UNC79: variants seen among roughly 807,000 people sequenced by gnomAD.
UNC79 encodes the protein protein unc-79 homolog.
In UNC79, 37 loss-of-function variants were observed where a neutral mutation model predicts 283.1. The observed-to-expected ratio is 0.13, with a 90% CI of 0.10 to 0.17. The LOEUF (loss-of-function observed/expected upper bound fraction) is 0.17, where lower values mean the gene tolerates loss of function less well. Ranked by LOEUF, UNC79 falls within the 10% of genes least tolerant of loss-of-function variation. The pLI is 1.00. For synonymous variants in UNC79, 1,107 were observed against 1,200.2 expected, an observed-to-expected ratio of 0.92 and a Z score of 1.61; for missense variants, 2,272 against 3,211.1, an observed-to-expected ratio of 0.71 and a Z score of 7.07.
intron 4 of UNC79, among the ~76,000 whole-genome samples, chr14:93,479,493 T>C (rs370143503): frequency 6.6e-6 from 1 of 152,166 alleles, no homozygotes; most frequent in African/African-American, 2.4e-5. Flanking sequence ...AGATGGGGTT[T>C]TGCCATGTTG....
chr14:93,624,066 G>A (rs753775125), intron 30 of UNC79, among the ~76,000 whole-genome samples: 104 of 152,226 alleles, frequency 6.8e-4, no homozygotes, highest in Non-Finnish European at 1.2e-3. Context: ...TTAGAGGAGG[G>A]GATGCACCAG....
chr14:93,625,327 T>C (rs1212113549), intron 30 of UNC79, among the ~76,000 whole-genome samples: 8 of 152,212 alleles, frequency 5.3e-5, no homozygotes, highest in Non-Finnish European at 1.5e-5. Context: ...ACCCACTACT[T>C]GCATTGCTGC....
At chr14:93,447,756 A>G (rs1207362782) in intron 1 of UNC79, among the ~76,000 whole-genome samples, 1 of 152,120 alleles carries the variant, frequency 6.6e-6, no homozygotes, top group Non-Finnish European at 1.5e-5. Context: ...TGCTGAATAC[A>G]GGATTTTGCT....
chr14:93,411,005 T>G (rs2055325114), intron 1 of UNC79, among the ~76,000 whole-genome samples: 1 of 152,132 alleles, frequency 6.6e-6, no homozygotes, highest in East Asian at 1.9e-4. Flanking sequence ...AAGCAGGCTC[T>G]TGGGGTCCCC....
intron 46 of UNC79, among the ~76,000 whole-genome samples, chr14:93,694,006 G>A (rs1442735402): frequency 2.0e-5 from 3 of 152,156 alleles, no homozygotes; most frequent in South Asian, 4.1e-4. Context: ...AAAGAGTTCC[G>A]TAGTTAGAAA....
At chr14:93,624,597 G>C (rs1233662304) in intron 30 of UNC79, among the ~76,000 whole-genome samples, 1 of 152,138 alleles carries the variant, frequency 6.6e-6, no homozygotes, top group East Asian at 1.9e-4. Flanking sequence ...TTGTTCCCCA[G>C]ACTACCAGGG....
rs540536541 is a variant in UNC79 at position 93,697,222 on chromosome 14, A to G, written c.7548+2810A>G. Among the ~76,000 whole-genome samples the G allele has an allele frequency of 9.2e-4, 140 of 151,984 alleles. 1 individual carries two copies. The highest frequency in any genetic ancestry group is 3.1e-3 in the African/African-American group (129 of 41,458). On this transcript the variant is annotated intron_variant, in intron 47 of 48. Coordinates refer to ENST00000555664, the Ensembl canonical transcript of UNC79. ...GCAATCTCGGCTTACTGCAACCTCC[A>G]TCTCCCAGGTCCAAGTGATTCTCCT...
At chr14:93,695,538 T>C (rs1405668594) in intron 47 of UNC79, among the ~76,000 whole-genome samples, 1 of 152,102 alleles carries the variant, frequency 6.6e-6, no homozygotes, top group Non-Finnish European at 1.5e-5. Context: ...GTTTGGTAAG[T>C]CTTGACTTAC....
chr14:93,584,791 G>A (rs1164189982), intron 20 of UNC79, among the ~76,000 whole-genome samples: 6 of 151,948 alleles, frequency 3.9e-5, no homozygotes, highest in African/African-American at 4.8e-5. Flanking sequence ...CCACCTCCCA[G>A]GTTCAAGCAA....
At chr14:93,678,983 G>A (rs1436340580) in intron 41 of UNC79, among the ~76,000 whole-genome samples, 2 of 152,118 alleles carry the variant, frequency 1.3e-5, no homozygotes, top group Admixed American at 6.5e-5. Flanking sequence ...ATCTATTGAC[G>A]TTTTTGCTTT....
intron 1 of UNC79, among the ~76,000 whole-genome samples, chr14:93,414,762 C>T (rs35987319): frequency 0.16 from 24,831 of 151,834 alleles, 2,636 homozygotes; most frequent in Admixed American, 0.25. Context: ...TAAGTTGGAT[C>T]CCTAGGTATT....
At chr14:93,674,746 T>C (rs912135145) in intron 41 of UNC79, among the ~76,000 whole-genome samples, 1 of 152,204 alleles carries the variant, frequency 6.6e-6, no homozygotes, top group Non-Finnish European at 1.5e-5. Context: ...GAGGACCTAT[T>C]ATGTGTTAAG....
chr14:93,384,132 A>G (rs1251411022), intron 1 of UNC79, among the ~76,000 whole-genome samples: 1 of 152,184 alleles, frequency 6.6e-6, no homozygotes, highest in Non-Finnish European at 1.5e-5. Flanking sequence ...TTCCAAATGG[A>G]TCTTATGAAT....
At chr14:93,409,491 G>T (rs1183086959) in intron 1 of UNC79, among the ~76,000 whole-genome samples, 1 of 152,122 alleles carries the variant, frequency 6.6e-6, no homozygotes, top group Non-Finnish European at 1.5e-5. Context: ...AGGAATTTGA[G>T]ACCAGCCTGG....
At chr14:93,609,543 A>G (rs967871163) in intron 26 of UNC79, among the ~76,000 whole-genome samples, 1 of 152,172 alleles carries the variant, frequency 6.6e-6, no homozygotes, top group Non-Finnish European at 1.5e-5. Context: ...TTTTCTCTTT[A>G]TAGAAAATAT....
At chr14:93,671,953 T>G (rs1416984406) in intron 40 of UNC79, among the ~76,000 whole-genome samples, 1 of 152,068 alleles carries the variant, frequency 6.6e-6, no homozygotes, top group Non-Finnish European at 1.5e-5. Flanking sequence ...TCTCTAATCA[T>G]CAGGGAAATG....
chr14:93,497,770 A>G (rs1470094429), intron 7 of UNC79, among the ~76,000 whole-genome samples: 1 of 151,840 alleles, frequency 6.6e-6, no homozygotes, highest in Non-Finnish European at 1.5e-5. Flanking sequence ...GGCAGATCAC[A>G]AGGTCAGGAG....
chr14:93,419,300 C>T (rs373736819), intron 1 of UNC79, among the ~76,000 whole-genome samples: 6 of 151,318 alleles, frequency 4.0e-5, no homozygotes, highest in Admixed American at 3.3e-4. Flanking sequence ...TCCTGAGTAG[C>T]TGGGATTACA....
At chr14:93,480,638 A>C (rs1360611085) in intron 4 of UNC79, among the ~76,000 whole-genome samples, 1 of 152,172 alleles carries the variant, frequency 6.6e-6, no homozygotes, top group Non-Finnish European at 1.5e-5. Context: ...TTGTTATTTC[A>C]TGAGTATACA....
Sources: allele counts gnomAD v4.1 joint callset (sites outside exome capture counted in the v4.1 genomes callset), GRCh38; gene constraint gnomAD v4.1.1; transcripts MANE v1.5; gene names NCBI Gene and HGNC (gene_info 2026-07-23, HGNC 2026-07-21).